The following FYN variants were observed in gnomAD, a reference collection of about 807,000 sequenced individuals.
The protein encoded by FYN is tyrosine-protein kinase Fyn.
Under a neutral mutation model 70.2 loss-of-function variants are expected in FYN, and 10 were observed. That is an observed-to-expected ratio of 0.14 (90% CI 0.09 to 0.24). The LOEUF (loss-of-function observed/expected upper bound fraction) is 0.24, where lower values mean the gene tolerates loss of function less well. Ranked by LOEUF, FYN falls within the 10% of genes least tolerant of loss-of-function variation. The pLI is 1.00. For missense variants in FYN, 319 were observed against 673.1 expected (o/e 0.47, Z 5.82); for synonymous variants, 236 against 248.6 (o/e 0.95, Z 0.48).
chr6:111,805,081 G>A (rs1002253863), intron 2 of FYN, among the ~76,000 whole-genome samples: 1 of 151,998 alleles, frequency 6.6e-6, no homozygotes, highest in Non-Finnish European at 1.5e-5. Flanking sequence ...GCTACCCCGA[G>A]ATAAACACCA....
chr6:111,841,001 T>C (rs1773342202), intron 2 of FYN, among the ~76,000 whole-genome samples: 1 of 152,174 alleles, frequency 6.6e-6, no homozygotes, highest in African/African-American at 2.4e-5. Flanking sequence ...TGTCTCTCCA[T>C]TGTAACGTGG....
chr6:111,710,807 CTA>C (rs1583343847), intron 5 of FYN, among the ~76,000 whole-genome samples: 1 of 152,146 alleles, frequency 6.6e-6, no homozygotes, highest in East Asian at 1.9e-4. Context: ...AGGATCTCTA[CTA>C]TGTTATCTTT....
chr6:111,822,359 T>C (rs1204416598), intron 2 of FYN, among the ~76,000 whole-genome samples: 1 of 151,994 alleles, frequency 6.6e-6, no homozygotes, highest in Non-Finnish European at 1.5e-5. Flanking sequence ...AAACCATCAT[T>C]CTCAGCAAAC....
intron 3 of FYN, among the ~76,000 whole-genome samples, chr6:111,747,257 A>G (rs987289559): frequency 3.9e-5 from 6 of 152,160 alleles, no homozygotes; most frequent in Non-Finnish European, 8.8e-5. Flanking sequence ...ACTTGGTGTG[A>G]TTTTTGTTAT....
At chr6:111,825,058 C>CTG (rs1037937608) in intron 2 of FYN, among the ~76,000 whole-genome samples, 13 of 152,192 alleles carry the variant, frequency 8.5e-5, no homozygotes, top group African/African-American at 3.1e-4. Flanking sequence ...TGCTAGAAGA[C>CTG]TGACAGAGTC....
At chr6:111,744,498 T>A (rs6568703) in intron 3 of FYN, among the ~76,000 whole-genome samples, 70,505 of 152,084 alleles carry the variant, frequency 0.46, 16,539 homozygotes, top group East Asian at 0.61. Flanking sequence ...GCTGGAAAGA[T>A]CTGTTTTTGC....
Position 111,696,474 on chromosome 6 carries a change from T to A in FYN, c.863-18A>T. ...CCAGGTACCTACAAACATCCCAGAA[T>A]ATGAAGTCAAACCAAAGATCTTCTT... is the stretch of plus-strand genomic sequence containing the variant. On this transcript the variant is annotated intron_variant, in intron 9 of 13. Transcript: ENST00000354650. 3 of 1,546,188 alleles carry A rather than the reference T, an allele frequency of 1.9e-6. No homozygotes were observed. Among genetic ancestry groups the A allele is most frequent in the Non-Finnish European group, 2.6e-6 (3 of 1,140,612 alleles).
At chr6:111,860,951 G>C in intron 1 of FYN, among the ~76,000 whole-genome samples, 1 of 152,198 alleles carries the variant, frequency 6.6e-6, no homozygotes, top group East Asian at 1.9e-4. Flanking sequence ...CTAACGGAGA[G>C]GCAAGATTAG....
chr6:111,735,659 G>T (rs956557817), intron 3 of FYN, among the ~76,000 whole-genome samples: 1 of 152,262 alleles, frequency 6.6e-6, no homozygotes, highest in East Asian at 1.9e-4. Context: ...AGCATGGGGG[G>T]GTGCCAGATC....
intron 2 of FYN, among the ~76,000 whole-genome samples, chr6:111,839,848 GC>G (rs1328890121): frequency 6.6e-6 from 1 of 152,128 alleles, no homozygotes; most frequent in East Asian, 1.9e-4. Context: ...GAAGGTGTGG[GC>G]TAGTGTAATA....
chr6:111,843,067 T>C (rs902511970), intron 2 of FYN, among the ~76,000 whole-genome samples: 11 of 152,252 alleles, frequency 7.2e-5, no homozygotes, highest in African/African-American at 2.7e-4. Context: ...ATTTGTGGCC[T>C]GAACGCAGCT....
At chr6:111,691,052 A>G (rs928325939) in intron 12 of FYN, among the ~76,000 whole-genome samples, 1 of 152,226 alleles carries the variant, frequency 6.6e-6, no homozygotes, top group Non-Finnish European at 1.5e-5. Context: ...GCTGTAATTG[A>G]GTGAGATGTC....
intron 3 of FYN, among the ~76,000 whole-genome samples, chr6:111,746,889 G>C (rs1222659509): frequency 6.6e-6 from 1 of 151,990 alleles, no homozygotes; most frequent in East Asian, 1.9e-4. Context: ...CAGAGAGAGA[G>C]AGAGAATCCC....
chr6:111,771,155 A>G (rs960567926), intron 3 of FYN, among the ~76,000 whole-genome samples: 1 of 152,130 alleles, frequency 6.6e-6, no homozygotes, highest in Non-Finnish European at 1.5e-5. Flanking sequence ...GCCTGGACCC[A>G]TCTGGAGAGT....
At chr6:111,819,652 T>G (rs1316700495) in intron 2 of FYN, among the ~76,000 whole-genome samples, 1 of 152,172 alleles carries the variant, frequency 6.6e-6, no homozygotes. Context: ...AAGGTCTTTG[T>G]GTAGTTTCTA....
At chr6:111,853,042 T>C (rs1773727112) in intron 1 of FYN, among the ~76,000 whole-genome samples, 1 of 152,192 alleles carries the variant, frequency 6.6e-6, no homozygotes, top group Non-Finnish European at 1.5e-5. Flanking sequence ...TCTCTGAGAA[T>C]TGCCTGAGCT....
intron 2 of FYN, among the ~76,000 whole-genome samples, chr6:111,831,027 C>T (rs963709509): frequency 2.0e-5 from 3 of 152,046 alleles, no homozygotes; most frequent in Non-Finnish European, 4.4e-5. Context: ...TGAATAGGCA[C>T]GCAGGGGTCT....
rs577293721 is a variant in FYN at position 111,662,513 on chromosome 6, G to A, written c.1406-566C>T. Among the ~76,000 whole-genome samples, 12 of 152,270 alleles carry A rather than the reference G, an allele frequency of 7.9e-5. No individual in the cohort carries two copies. The East Asian group carries it at 1.7e-3, about 22-fold the overall frequency. Reference sequence around the variant, plus strand: ...ACCCCTGTTCTATATTATGTATGGGGTGGTGTGACTGTTTATGTTTGTCAA... The same window carrying A: ...ACCCCTGTTCTATATTATGTATGGGATGGTGTGACTGTTTATGTTTGTCAA... On this transcript the variant is annotated intron_variant, in intron 13 of 13. Coordinates refer to ENST00000354650, the MANE Select transcript of FYN (RefSeq NM_002037.5).
chr6:111,686,393 C>A (rs1799008043), intron 12 of FYN, among the ~76,000 whole-genome samples: 1 of 152,128 alleles, frequency 6.6e-6, no homozygotes, highest in Non-Finnish European at 1.5e-5. Flanking sequence ...CGTGTCTGAC[C>A]TCGGAGGGCA....
Sources: allele counts gnomAD v4.1 joint callset (sites outside exome capture counted in the v4.1 genomes callset), GRCh38; gene constraint gnomAD v4.1.1; transcripts MANE v1.5; gene names NCBI Gene and HGNC (gene_info 2026-07-23, HGNC 2026-07-21).